SPAG16: variants seen among roughly 807,000 people sequenced by gnomAD.
The protein encoded by SPAG16 is sperm-associated antigen 16 protein.
In SPAG16, 86 loss-of-function variants were observed where a neutral mutation model predicts 80.4. The ratio of observed to expected loss-of-function variants is 1.07; its 90% CI spans 0.90 to 1.28. SPAG16 has a LOEUF of 1.28. Ranked by LOEUF, SPAG16 falls within the 50% of genes most tolerant of loss-of-function variation. The pLI is 0.00. For synonymous variants in SPAG16, 294 were observed against 265.9 expected, an observed-to-expected ratio of 1.11 and a Z score of -1.03; for missense variants, 870 against 765.3, an observed-to-expected ratio of 1.14 and a Z score of -1.61.
intron 15 of SPAG16, among the ~76,000 whole-genome samples, chr2:214,199,371 A>G (rs1433894128): frequency 6.6e-6 from 1 of 152,012 alleles, no homozygotes; most frequent in Non-Finnish European, 1.5e-5. Flanking sequence ...TCCTTTCCCC[A>G]ATTTGTGTTT....
At chr2:214,229,518 A>ATG (rs781159810) in intron 15 of SPAG16, among the ~76,000 whole-genome samples, 1 of 151,530 alleles carries the variant, frequency 6.6e-6, no homozygotes, top group Non-Finnish European at 1.5e-5. Flanking sequence ...GTGTATATAT[A>ATG]TGTGTGTGTG....
chr2:213,657,335 T>A (rs2063257401), intron 10 of SPAG16, among the ~76,000 whole-genome samples: 1 of 152,174 alleles, frequency 6.6e-6, no homozygotes, highest in African/African-American at 2.4e-5. Flanking sequence ...AAAATGGGGA[T>A]ATAATAATAT....
chr2:213,838,184 T>A (rs919031430), intron 10 of SPAG16, among the ~76,000 whole-genome samples: 1 of 152,152 alleles, frequency 6.6e-6, no homozygotes, highest in Non-Finnish European at 1.5e-5. Flanking sequence ...TGATTTCTTT[T>A]TTTTTGAGAC....
intron 10 of SPAG16, among the ~76,000 whole-genome samples, chr2:213,618,346 C>T (rs1288450846): frequency 6.6e-6 from 1 of 152,178 alleles, no homozygotes; most frequent in African/African-American, 2.4e-5. Context: ...ACTCCCTAGT[C>T]TATTATGATA....
intron 10 of SPAG16, among the ~76,000 whole-genome samples, chr2:213,646,123 G>A (rs1029424055): frequency 7.2e-5 from 11 of 152,144 alleles, no homozygotes; most frequent in African/African-American, 2.7e-4. Context: ...CCTGCCCCAG[G>A]TCAGGGAGGG....
chr2:213,645,503 C>T lies in SPAG16; in HGVS notation c.1070+155413C>T, dbSNP rs762808572. Among the ~76,000 whole-genome samples the T allele has an allele frequency of 2.0e-4, 31 of 152,260 alleles. No individual in the cohort carries two copies. In the South Asian group the frequency reaches 2.1e-3, roughly 10 times the overall value. ...CAGGACTGAGTCCCTTCCTTCAAGGCAGTGGGTTCTTTTCTGGCCCAGGGT... is the reference window on the plus strand; with the variant it reads ...CAGGACTGAGTCCCTTCCTTCAAGGTAGTGGGTTCTTTTCTGGCCCAGGGT... On this transcript the variant is annotated intron_variant, in intron 10 of 15. Transcript: ENST00000331683.
At chr2:213,808,257 A>C (rs1379623608) in intron 10 of SPAG16, among the ~76,000 whole-genome samples, 1 of 152,212 alleles carries the variant, frequency 6.6e-6, no homozygotes, top group Non-Finnish European at 1.5e-5. Context: ...AAGTAAACAC[A>C]TTCAAAATTT....
chr2:213,541,702 C>T lies in SPAG16; in HGVS notation c.1070+51612C>T, dbSNP rs572789338. ...GAACCCTTCCAAGATGTATAATAAA[C>T]ATAAAGAACAAGAATTTCAGACCTC... On this transcript the variant is annotated intron_variant, in intron 10 of 15. Coordinates refer to ENST00000331683, the MANE Select transcript of SPAG16 (RefSeq NM_024532.5). Among the ~76,000 whole-genome samples the T allele has an allele frequency of 3.7e-4, 57 of 152,226 alleles. 1 individual carries two copies. In the South Asian group the frequency reaches 8.1e-3, roughly 22 times the overall value.
rs1481908377 is a variant in SPAG16 at position 213,342,776 on chromosome 2, A to G, written c.644+2506A>G. On this transcript the variant is annotated intron_variant, in intron 6 of 15. Coordinates refer to ENST00000331683, the MANE Select transcript of SPAG16 (RefSeq NM_024532.5). ...GGAACTACATGACTGGACAAAATAC[A>G]TGAGGCAGTTTTTTTTTTAAGATGG... Among the ~76,000 whole-genome samples, 3 of 151,870 alleles carry G rather than the reference A, an allele frequency of 2.0e-5. No individual in the cohort carries two copies. In the East Asian group the frequency reaches 5.8e-4, roughly 29 times the overall value.
intron 10 of SPAG16, among the ~76,000 whole-genome samples, chr2:213,593,928 C>T (rs78455598): frequency 1.9e-3 from 287 of 151,484 alleles, no homozygotes; most frequent in Non-Finnish European, 3.3e-3. Flanking sequence ...GCGCCCACCA[C>T]CACGCCCGGC....
intron 12 of SPAG16, among the ~76,000 whole-genome samples, chr2:213,930,842 A>C (rs2078716565): frequency 6.6e-6 from 1 of 152,186 alleles, no homozygotes; most frequent in South Asian, 2.1e-4. Flanking sequence ...TAATTCCTTC[A>C]GCTAAGGGGT....
chr2:213,674,710 G>A (rs1445586500), intron 10 of SPAG16, among the ~76,000 whole-genome samples: 2 of 150,284 alleles, frequency 1.3e-5, no homozygotes, highest in African/African-American at 5.0e-5. Flanking sequence ...CAAAGGACGT[G>A]AACTCATCAT....
At position 213,986,693 on chromosome 2, in the gene SPAG16, G is replaced by A. The variant is rs866351929; in HGVS notation, c.1401-27258G>A. 1.6e-4 allele frequency among the ~76,000 whole-genome samples: 25 copies of A among 151,594 alleles called. No homozygotes were observed. In the Middle Eastern group the frequency reaches 0.034, roughly 206 times the overall value. Reference sequence around the variant, plus strand: ...ACCTCCAAACAGCTATTTTCATATCGTACTTTCGTATTTCCTTAGGAGACA... The same window carrying A: ...ACCTCCAAACAGCTATTTTCATATCATACTTTCGTATTTCCTTAGGAGACA... On this transcript the variant is annotated intron_variant, in intron 12 of 15. Coordinates refer to ENST00000331683, the MANE Select transcript of SPAG16 (RefSeq NM_024532.5).
At chr2:213,533,594 A>G (rs1256257840) in intron 10 of SPAG16, among the ~76,000 whole-genome samples, 1 of 152,134 alleles carries the variant, frequency 6.6e-6, no homozygotes, top group Non-Finnish European at 1.5e-5. Flanking sequence ...AGTTCATGCC[A>G]ATTTTTCTGT....
At chr2:214,142,301 T>C (rs2055403213) in intron 14 of SPAG16, among the ~76,000 whole-genome samples, 1 of 152,198 alleles carries the variant, frequency 6.6e-6, no homozygotes, top group Non-Finnish European at 1.5e-5. Flanking sequence ...TATTCAAATC[T>C]TTGAGACTCA....
chr2:213,367,581 T>A (rs913213125), intron 8 of SPAG16, among the ~76,000 whole-genome samples: 2 of 152,388 alleles, frequency 1.3e-5, no homozygotes, highest in Admixed American at 1.3e-4. Flanking sequence ...TGCATAAATG[T>A]CTTCTTTTGA....
At chr2:213,517,510 T>G (rs1275674909) in intron 10 of SPAG16, among the ~76,000 whole-genome samples, 2 of 152,182 alleles carry the variant, frequency 1.3e-5, no homozygotes, top group African/African-American at 4.8e-5. Context: ...AAAGCAATCC[T>G]GAGCAAAAGG....
At chr2:213,899,246 T>G (rs1281942762) in intron 11 of SPAG16, among the ~76,000 whole-genome samples, 1 of 152,114 alleles carries the variant, frequency 6.6e-6, no homozygotes, top group Non-Finnish European at 1.5e-5. Context: ...AGTGTCTTTG[T>G]AGGACATGAT....
chr2:213,995,267 C>A (rs796225534), intron 12 of SPAG16, among the ~76,000 whole-genome samples: 12 of 152,226 alleles, frequency 7.9e-5, no homozygotes, highest in African/African-American at 2.9e-4. Context: ...AGGTGGGTTT[C>A]CATGGAGGAG....
Sources: allele counts gnomAD v4.1 joint callset (sites outside exome capture counted in the v4.1 genomes callset), GRCh38; gene constraint gnomAD v4.1.1; transcripts MANE v1.5; gene names NCBI Gene and HGNC (gene_info 2026-07-23, HGNC 2026-07-21).